GRAMD1B: variants seen among roughly 807,000 people sequenced by gnomAD.
The protein encoded by GRAMD1B is GRAM domain containing 1B.
Under a neutral mutation model 99.7 loss-of-function variants are expected in GRAMD1B, and 37 were observed. That is an observed-to-expected ratio of 0.37 (90% CI 0.29 to 0.49). The LOEUF (loss-of-function observed/expected upper bound fraction) is 0.49, where lower values mean the gene tolerates loss of function less well. Ranked by LOEUF, GRAMD1B falls within the 20% of genes least tolerant of loss-of-function variation. The probability of loss-of-function intolerance (pLI) is 0.98; values close to 1 mark genes in which losing one functional copy is unlikely to be tolerated. For missense variants in GRAMD1B, 888 were observed against 1,009.2 expected (o/e 0.88, Z 1.63); for synonymous variants, 427 against 387.6 (o/e 1.10, Z -1.19).
chr11:123,594,995 C>T (rs1301340124), intron 6 of GRAMD1B, among the ~76,000 whole-genome samples, 157 bp downstream of exon 6: 1 of 152,154 alleles, frequency 6.6e-6, no homozygotes, highest in Non-Finnish European at 1.5e-5. Flanking sequence ...ATTCTAAGTC[C>T]CAATAATCAG....
intron 2 of GRAMD1B, among the ~76,000 whole-genome samples, chr11:123,488,504 C>T (rs2846319): frequency 0.37 from 56,136 of 152,090 alleles, 10,935 homozygotes; most frequent in East Asian, 0.56. Flanking sequence ...AAGATGAAGA[C>T]ATGGTCCCTG....
chr11:123,586,091 G>A (rs1950042102), intron 4 of GRAMD1B, among the ~76,000 whole-genome samples: 2 of 151,608 alleles, frequency 1.3e-5, no homozygotes, highest in Admixed American at 6.6e-5. Context: ...CTTTCCCCCT[G>A]TTTCCTTCTC....
At position 123,513,593 on chromosome 11, in the gene GRAMD1B, C is replaced by T. The variant is rs1471464036; in HGVS notation, c.452+32700C>T. On this transcript the variant is annotated intron_variant, in intron 2 of 19. Coordinates refer to ENST00000635736, the MANE Select transcript of GRAMD1B (RefSeq NM_001387025.1). ...CCTTCCTTCCTTTCCTTCCTTCCTT[C>T]CTTCCTTCCTTCCTTCCTTCCTTCC... 9.5e-3 allele frequency among the ~76,000 whole-genome samples: 517 copies of T among 54,688 alleles called. 9 individuals are homozygous for T. The highest frequency in any genetic ancestry group is 0.03 in the African/African-American group (414 of 14,016). The allele number at this position is 54,688 out of a possible 152,430, so 35.9% of individuals were successfully genotyped here.
At chr11:123,373,074 G>A (rs1374739073) in intron 1 of GRAMD1B, among the ~76,000 whole-genome samples, 2 of 152,178 alleles carry the variant, frequency 1.3e-5, no homozygotes, top group Non-Finnish European at 2.9e-5. Flanking sequence ...AGGAGGCAGA[G>A]GTTGTGGTGA....
At chr11:123,493,858 A>G (rs912062653) in intron 2 of GRAMD1B, among the ~76,000 whole-genome samples, 1 of 152,096 alleles carries the variant, frequency 6.6e-6, no homozygotes, top group Non-Finnish European at 1.5e-5. Flanking sequence ...CCTCCCTGTT[A>G]GTGACTCATC....
In GRAMD1B at chr11:123,552,596, C is replaced by T. The variant is rs191338315; in HGVS notation, c.453-24771C>T. ...GCAATTTTCAAAACCAAAAAGATTA[C>T]AGTAAATGTAATCGGGTTGAGTTAA... On this transcript the variant is annotated intron_variant, in intron 2 of 19. Transcript: ENST00000635736. Among the ~76,000 whole-genome samples the T allele has an allele frequency of 1.3e-3, 197 of 152,218 alleles. 2 individuals are homozygous for T. Among genetic ancestry groups the T allele is most frequent in the Non-Finnish European group, 2.0e-3 (139 of 68,018 alleles).
At chr11:123,392,940 C>T (rs183542719) in intron 1 of GRAMD1B, among the ~76,000 whole-genome samples, 5 of 152,282 alleles carry the variant, frequency 3.3e-5, no homozygotes, top group African/African-American at 1.2e-4. Flanking sequence ...AGTTTCACTT[C>T]GCCTTTGGTT....
intron 2 of GRAMD1B, among the ~76,000 whole-genome samples, chr11:123,529,134 G>A (rs1207016088): frequency 6.6e-6 from 1 of 151,606 alleles, no homozygotes; most frequent in Non-Finnish European, 1.5e-5. Flanking sequence ...TTAGGGGCTG[G>A]TAGCCTCACA....
At chr11:123,405,213 TG>T (rs1947813585) in intron 1 of GRAMD1B, among the ~76,000 whole-genome samples, 4 of 151,616 alleles carry the variant, frequency 2.6e-5, no homozygotes, top group African/African-American at 9.7e-5. Flanking sequence ...TGTGTGTGTG[TG>T]TGTGTGAAAG....
chr11:123,544,236 T>G (rs1052811602), intron 2 of GRAMD1B, among the ~76,000 whole-genome samples: 5 of 152,136 alleles, frequency 3.3e-5, no homozygotes, highest in African/African-American at 1.2e-4. Context: ...GTTTCTGATA[T>G]TTATTTACTG....
At chr11:123,599,037 TA>T in intron 7 of GRAMD1B, 1 of 1,096,104 alleles carries the variant, frequency 9.1e-7, no homozygotes, top group Non-Finnish European at 1.4e-6. Flanking sequence ...GAGATCGAGG[TA>T]ACGACCATAT....
At chr11:123,515,566 C>A (rs1807540717) in intron 2 of GRAMD1B, among the ~76,000 whole-genome samples, 1 of 152,022 alleles carries the variant, frequency 6.6e-6, no homozygotes, top group African/African-American at 2.4e-5. Context: ...GAACGGAGAG[C>A]CTTCTTCATA....
At chr11:123,369,190 A>G (rs1477120106) in intron 1 of GRAMD1B, among the ~76,000 whole-genome samples, 1 of 152,130 alleles carries the variant, frequency 6.6e-6, no homozygotes, top group Non-Finnish European at 1.5e-5. Context: ...AGTCTCAGCT[A>G]CTTGGGAGGC....
intron 1 of GRAMD1B, among the ~76,000 whole-genome samples, chr11:123,468,125 G>A (rs1276382144): frequency 1.3e-5 from 2 of 152,068 alleles, no homozygotes; most frequent in African/African-American, 2.4e-5. Context: ...GCCTCCCAAA[G>A]TGCTGGGATT....
At chr11:123,467,966 C>T (rs1203146310) in intron 1 of GRAMD1B, among the ~76,000 whole-genome samples, 4 of 151,920 alleles carry the variant, frequency 2.6e-5, no homozygotes, top group East Asian at 1.9e-4. Context: ...CGGGTTCAGG[C>T]GATTCTCCTG....
At chr11:123,442,380 G>T (rs1949449343) in intron 1 of GRAMD1B, among the ~76,000 whole-genome samples, 1 of 152,172 alleles carries the variant, frequency 6.6e-6, no homozygotes, top group African/African-American at 2.4e-5. Flanking sequence ...ACCAGAAAGG[G>T]GTCCCATTCC....
intron 19 of GRAMD1B, 63 bp from the exon 20 acceptor site, chr11:123,622,443 C>A (rs904031733): frequency 3.1e-5 from 31 of 1,004,728 alleles, no homozygotes; most frequent in Non-Finnish European, 4.2e-5. Context: ...GAGAGGGCTG[C>A]TCGGTGGAGA....
In GRAMD1B at chr11:123,446,097, G is replaced by A. The variant is rs564311904; in HGVS notation, c.374+14931G>A. Among the ~76,000 whole-genome samples the A allele has an allele frequency of 2.0e-5, 3 of 152,240 alleles. No individual in the cohort carries two copies. In the South Asian group the frequency reaches 6.2e-4, roughly 32 times the overall value. ...TTGGCCTGTTGCTTCCAGATTCCGAGGAAGGTCCAGGCTTTGTACTTGGAC... is the reference window on the plus strand; with the variant it reads ...TTGGCCTGTTGCTTCCAGATTCCGAAGAAGGTCCAGGCTTTGTACTTGGAC... On this transcript the variant is annotated intron_variant, in intron 1 of 19. Transcript: ENST00000635736.
chr11:123,538,937 T>C (rs2135668908), intron 2 of GRAMD1B, among the ~76,000 whole-genome samples: 1 of 152,124 alleles, frequency 6.6e-6, no homozygotes, highest in Admixed American at 6.5e-5. Context: ...TTCTGGACTT[T>C]AATATGAATG....
Sources: gnomAD v4.1 joint callset for allele counts (sites outside exome capture counted in the v4.1 genomes callset) on GRCh38, gnomAD v4.1.1 for gene constraint, MANE v1.5 for transcripts, NCBI Gene and HGNC (gene_info 2026-07-23, HGNC 2026-07-21) for gene names.